HS6ST3: variants seen among roughly 807,000 people sequenced by gnomAD.
The protein encoded by HS6ST3 is heparan sulfate 6-O-sulfotransferase 3.
A neutral mutation model predicts 36.7 loss-of-function variants in HS6ST3; 12 were observed. The ratio of observed to expected loss-of-function variants is 0.33; its 90% CI spans 0.21 to 0.53. The LOEUF (loss-of-function observed/expected upper bound fraction) is 0.53. HS6ST3 is among the 20% of genes least tolerant of loss of function. The probability of loss-of-function intolerance (pLI) is 0.95; values close to 1 mark genes in which losing one functional copy is unlikely to be tolerated. For synonymous variants in HS6ST3, 240 were observed against 257.5 expected (o/e 0.93, Z 0.65); for missense variants, 584 against 640.9 (o/e 0.91, Z 0.96).
At chr13:96,091,789 C>T (rs2053766457) in intron 1 of HS6ST3, among the ~76,000 whole-genome samples, 1 of 152,164 alleles carries the variant, frequency 6.6e-6, no homozygotes, top group South Asian at 2.1e-4. Context: ...CGCCACCCCT[C>T]TGCCTTCACC....
intron 1 of HS6ST3, among the ~76,000 whole-genome samples, chr13:96,572,888 A>G (rs141412727): frequency 4.6e-5 from 7 of 152,332 alleles, no homozygotes; most frequent in South Asian, 2.1e-4. Context: ...CCAAGAAGCA[A>G]TGATAGGCAC....
intron 1 of HS6ST3, among the ~76,000 whole-genome samples, chr13:96,771,359 A>G (rs1877259765): frequency 6.6e-6 from 1 of 152,106 alleles, no homozygotes; most frequent in African/African-American, 2.4e-5. Context: ...AACATGGCAC[A>G]TGTATACATA....
rs938597435 is a variant in HS6ST3, at chr13:96,834,038, A to T, written c.*840A>T. On this transcript the variant is annotated 3_prime_UTR_variant, in exon 2 of 2. Coordinates refer to ENST00000376705, the MANE Select transcript of HS6ST3 (RefSeq NM_153456.4). The stretch of plus-strand genomic sequence containing the variant: ...ATGAATGATAAATTAAGAGAAAAAA[A>T]TATCAGGAAGGTCAATATATGCCTA... 7 of 152,240 alleles carry T rather than the reference A, an allele frequency of 4.6e-5. No individual in the cohort carries two copies. The highest frequency in any genetic ancestry group is 7.3e-5 in the Non-Finnish European group (5 of 68,046). 9.4% of individuals were successfully genotyped at this position (152,240 alleles called of 1,614,324 possible).
intron 1 of HS6ST3, among the ~76,000 whole-genome samples, chr13:96,241,023 A>G (rs2054557046): frequency 6.6e-6 from 1 of 152,208 alleles, no homozygotes; most frequent in Admixed American, 6.5e-5. Flanking sequence ...CCTGCAGCTT[A>G]TTCCTACTGG....
chr13:96,775,464 T>C (rs1324452500), intron 1 of HS6ST3, among the ~76,000 whole-genome samples: 1 of 144,632 alleles, frequency 6.9e-6, no homozygotes, highest in African/African-American at 2.6e-5. Flanking sequence ...ACACATAGGC[T>C]CAAAATAAAG....
At chr13:96,433,598 G>C (rs939588631) in intron 1 of HS6ST3, among the ~76,000 whole-genome samples, 2 of 152,172 alleles carry the variant, frequency 1.3e-5, no homozygotes, top group African/African-American at 4.8e-5. Context: ...CTTCCGCCAT[G>C]ATTGTGAGGC....
intron 1 of HS6ST3, among the ~76,000 whole-genome samples, chr13:96,464,138 CAAAAAAAAA>C (rs67305199): frequency 2.6e-5 from 1 of 38,780 alleles, no homozygotes; most frequent in Non-Finnish European, 5.0e-5. Context: ...TGTCAGGCCT[CAAAAAAAAA>C]AAAAAAAAAA....
At chr13:96,181,489 G>A (rs761697140) in intron 1 of HS6ST3, among the ~76,000 whole-genome samples, 7 of 152,244 alleles carry the variant, frequency 4.6e-5, no homozygotes, top group Admixed American at 2.6e-4. Flanking sequence ...TTTCTGCCTC[G>A]TTTGAGCTCA....
intron 1 of HS6ST3, among the ~76,000 whole-genome samples, chr13:96,639,588 G>A (rs1434786193): frequency 6.6e-6 from 1 of 151,926 alleles, no homozygotes; most frequent in Non-Finnish European, 1.5e-5. Flanking sequence ...ACGTGTGCAG[G>A]TTTGTTATTT....
intron 1 of HS6ST3, among the ~76,000 whole-genome samples, chr13:96,337,455 C>A (rs1200357020): frequency 6.6e-6 from 1 of 152,084 alleles, no homozygotes; most frequent in Non-Finnish European, 1.5e-5. Flanking sequence ...GAGAAGGGTT[C>A]GTGGGATGTG....
In HS6ST3 at chr13:96,335,164, T is replaced by G. The variant is rs1338784503; in HGVS notation, c.707+243595T>G. On this transcript the variant is annotated intron_variant, in intron 1 of 1. Transcript: ENST00000376705. ...TGCAGGAGGTGTCATGTGTGCCATG[T>G]GCCCATCAAAGTCCATCCCCAGAAG... 3.3e-5 allele frequency among the ~76,000 whole-genome samples: 5 copies of G among 152,248 alleles called. No individual in the cohort carries two copies. In the South Asian group the frequency reaches 1.0e-3, roughly 32 times the overall value.
intron 1 of HS6ST3, among the ~76,000 whole-genome samples, chr13:96,724,608 A>G (rs1422758960): frequency 6.6e-6 from 1 of 152,198 alleles, no homozygotes; most frequent in African/African-American, 2.4e-5. Context: ...CTGTTATAGA[A>G]ATGAAATTAT....
chr13:96,387,925 G>C (rs1432636870), intron 1 of HS6ST3, among the ~76,000 whole-genome samples: 1 of 152,140 alleles, frequency 6.6e-6, no homozygotes, highest in Non-Finnish European at 1.5e-5. Flanking sequence ...CCAGCCATCT[G>C]GTGTAGGTTT....
At chr13:96,100,681 G>C (rs145584157) in intron 1 of HS6ST3, among the ~76,000 whole-genome samples, 144 of 152,282 alleles carry the variant, frequency 9.5e-4, no homozygotes, top group African/African-American at 3.2e-3. Context: ...CCTCCCACCT[G>C]TCCATTTCCT....
intron 1 of HS6ST3, among the ~76,000 whole-genome samples, chr13:96,243,888 T>C (rs985481039): frequency 1.3e-5 from 2 of 151,808 alleles, no homozygotes; most frequent in Non-Finnish European, 2.9e-5. Flanking sequence ...AGAAACTTTT[T>C]CTTTTTTGAG....
chr13:96,347,044 G>A (rs1413395111), intron 1 of HS6ST3, among the ~76,000 whole-genome samples: 2 of 152,074 alleles, frequency 1.3e-5, no homozygotes, highest in African/African-American at 2.4e-5. Context: ...ACATAGGCAG[G>A]GCGCGGGTCT....
At chr13:96,367,863 T>G (rs371217044) in intron 1 of HS6ST3, among the ~76,000 whole-genome samples, 2 of 152,204 alleles carry the variant, frequency 1.3e-5, no homozygotes, top group East Asian at 3.9e-4. Flanking sequence ...TCCCCTTTCT[T>G]TCCCTTGGTG....
At chr13:96,648,863 A>G (rs1021565873) in intron 1 of HS6ST3, among the ~76,000 whole-genome samples, 1 of 151,950 alleles carries the variant, frequency 6.6e-6, no homozygotes, top group African/African-American at 2.4e-5. Flanking sequence ...AGTACTTCCT[A>G]GTGTATATGT....
At chr13:96,384,061 C>T (rs1018114389) in intron 1 of HS6ST3, among the ~76,000 whole-genome samples, 7 of 152,042 alleles carry the variant, frequency 4.6e-5, no homozygotes, top group African/African-American at 1.7e-4. Context: ...TGAGGACTGC[C>T]TGAGATACCA....
Sources: gnomAD v4.1 joint callset for allele counts (sites outside exome capture counted in the v4.1 genomes callset) on GRCh38, gnomAD v4.1.1 for gene constraint, MANE v1.5 for transcripts, NCBI Gene and HGNC (gene_info 2026-07-23, HGNC 2026-07-21) for gene names.